Variants in CADPS2 observed in about 807,000 individuals in gnomAD.
CADPS2 encodes calcium dependent secretion activator 2.
In CADPS2, 93 loss-of-function variants were observed where a neutral mutation model predicts 172.5. The ratio of observed to expected loss-of-function variants is 0.54; its 90% CI spans 0.46 to 0.64. The LOEUF is 0.64. CADPS2 is among the 30% of genes least tolerant of loss of function. The pLI is 0.00. For missense variants in CADPS2, 1,420 were observed against 1,565.9 expected (o/e 0.91, Z 1.57); for synonymous variants, 546 against 555.2 (o/e 0.98, Z 0.23).
intron 2 of CADPS2, among the ~76,000 whole-genome samples, chr7:122,705,674 T>C (rs1228053389): frequency 1.2e-5 from 1 of 84,748 alleles, no homozygotes; most frequent in Non-Finnish European, 2.1e-5. Context: ...TATAATATAT[T>C]ATATAATATA....
intron 6 of CADPS2, among the ~76,000 whole-genome samples, chr7:122,601,822 G>A (rs545246464): frequency 9.9e-5 from 15 of 152,086 alleles, no homozygotes; most frequent in African/African-American, 3.6e-4. Context: ...AAATTTCAAA[G>A]AGAAGGAGAA....
Position 122,855,160 on chromosome 7 carries a change from G to T in CADPS2, c.339+30839C>A, listed in dbSNP as rs558042055. Among the ~76,000 whole-genome samples the T allele has an allele frequency of 4.6e-5, 7 of 152,248 alleles. No homozygotes were observed. The East Asian group carries it at 1.2e-3, about 25-fold the overall frequency. ...AAAAAGCAAGACCCTAGAAAAGAGG[G>T]TTGCTATTTTCCTGGAGGGATCATT... On this transcript the variant is annotated intron_variant, in intron 1 of 29. Transcript: ENST00000449022.
At chr7:122,530,436 C>A (rs1229219922) in intron 8 of CADPS2, among the ~76,000 whole-genome samples, 4 of 151,314 alleles carry the variant, frequency 2.6e-5, no homozygotes. Flanking sequence ...ATATTCTATG[C>A]CATAGTATAC....
At chr7:122,571,052 A>G (rs2067191568) in intron 7 of CADPS2, among the ~76,000 whole-genome samples, 1 of 152,106 alleles carries the variant, frequency 6.6e-6, no homozygotes, top group African/African-American at 2.4e-5. Flanking sequence ...AAAAATTTAA[A>G]AAAGAGAATA....
At chr7:122,503,203 T>A (rs896725104) in intron 9 of CADPS2, among the ~76,000 whole-genome samples, 1 of 151,918 alleles carries the variant, frequency 6.6e-6, no homozygotes, top group Admixed American at 6.6e-5. Flanking sequence ...GGCTGGCTAA[T>A]TTTTGTATTT....
At chr7:122,813,303 GAACA>G (rs1041357531) in intron 1 of CADPS2, among the ~76,000 whole-genome samples, 18 of 152,030 alleles carry the variant, frequency 1.2e-4, no homozygotes, top group African/African-American at 3.4e-4. Flanking sequence ...TCATGAAAAG[GAACA>G]AACACTTTAA....
intron 27 of CADPS2, among the ~76,000 whole-genome samples, chr7:122,353,997 T>TC (rs1350964428): frequency 6.6e-6 from 1 of 152,104 alleles, no homozygotes; most frequent in Non-Finnish European, 1.5e-5. Flanking sequence ...CAGTCAGATT[T>TC]CTTTTTTTTT....
chr7:122,753,507 G>A (rs1392688587), intron 1 of CADPS2, among the ~76,000 whole-genome samples: 1 of 152,086 alleles, frequency 6.6e-6, no homozygotes, highest in African/African-American at 2.4e-5. Context: ...CTACAGTGAT[G>A]GGGGAGACAA....
At chr7:122,362,523 A>T (rs912802724) in intron 25 of CADPS2, among the ~76,000 whole-genome samples, 1 of 152,244 alleles carries the variant, frequency 6.6e-6, no homozygotes, top group African/African-American at 2.4e-5. Flanking sequence ...ACTATAATAC[A>T]GTAAAAATGT....
At chr7:122,423,581 G>T (rs1442717867) in intron 17 of CADPS2, among the ~76,000 whole-genome samples, 3 of 152,174 alleles carry the variant, frequency 2.0e-5, no homozygotes, top group Admixed American at 2.0e-4. Flanking sequence ...GAAAGAAAAT[G>T]AGGAATCATT....
intron 14 of CADPS2, among the ~76,000 whole-genome samples, chr7:122,458,482 T>C (rs188660169): frequency 5.9e-5 from 9 of 152,338 alleles, no homozygotes; most frequent in African/African-American, 1.9e-4. Flanking sequence ...ATTGTGTCTT[T>C]ATATGATCAT....
chr7:122,541,816 CATATGTTTATATATTCAT>C (rs1452331098), intron 8 of CADPS2, among the ~76,000 whole-genome samples: 3,132 of 73,852 alleles, frequency 0.042, 92 homozygotes, highest in African/African-American at 0.15. Flanking sequence ...TTTATATATT[CATATGTTTATATATTCAT>C]ATGTTTATAT....
chr7:122,561,814 T>C (rs887030089), intron 7 of CADPS2, among the ~76,000 whole-genome samples: 1 of 152,126 alleles, frequency 6.6e-6, no homozygotes, highest in African/African-American at 2.4e-5. Flanking sequence ...GTTACCATTT[T>C]AAAAAAATCT....
chr7:122,813,124 A>G (rs2140198642), intron 1 of CADPS2, among the ~76,000 whole-genome samples: 1 of 151,890 alleles, frequency 6.6e-6, no homozygotes, highest in Admixed American at 6.6e-5. Context: ...GTACGGAAAA[A>G]AAAGTTTTTA....
chr7:122,762,503 C>G (rs914462681), intron 1 of CADPS2, among the ~76,000 whole-genome samples: 3 of 152,020 alleles, frequency 2.0e-5, no homozygotes, highest in African/African-American at 4.8e-5. Flanking sequence ...AAACTAAGAA[C>G]AGAGAAAAGA....
chr7:122,683,513 T>C (rs1287423626), intron 2 of CADPS2, among the ~76,000 whole-genome samples: 1 of 152,180 alleles, frequency 6.6e-6, no homozygotes, highest in Non-Finnish European at 1.5e-5. Context: ...TTCGTAACAA[T>C]TTTATATATT....
chr7:122,657,581 G>C (rs2079962831), intron 3 of CADPS2, among the ~76,000 whole-genome samples: 1 of 152,122 alleles, frequency 6.6e-6, no homozygotes. Context: ...ATTGTGAATA[G>C]GAGTTCATTT....
intron 29 of CADPS2, among the ~76,000 whole-genome samples, chr7:122,322,309 T>C (rs144401316): frequency 6.8e-4 from 103 of 152,382 alleles, no homozygotes; most frequent in African/African-American, 2.4e-3. Flanking sequence ...CAGATTTGAA[T>C]TGTGGATCTG....
intron 1 of CADPS2, among the ~76,000 whole-genome samples, chr7:122,786,665 G>A (rs757567939): frequency 2.6e-5 from 4 of 152,028 alleles, no homozygotes; most frequent in Non-Finnish European, 5.9e-5. Context: ...TACGAGTTTC[G>A]TGTTTAAGAC....
Sources: allele counts gnomAD v4.1 joint callset (sites outside exome capture counted in the v4.1 genomes callset), GRCh38; gene constraint gnomAD v4.1.1; transcripts MANE v1.5; gene names NCBI Gene and HGNC (gene_info 2026-07-23, HGNC 2026-07-21).